Variants in SOCS2 observed in about 807,000 individuals in gnomAD.
The protein encoded by SOCS2 is suppressor of cytokine signaling 2.
In SOCS2, 10 loss-of-function variants were observed where a neutral mutation model predicts 18.6. That is an observed-to-expected ratio of 0.54 (90% CI 0.33 to 0.91). The LOEUF is 0.91. Ranked by LOEUF, SOCS2 falls within the 40% of genes least tolerant of loss-of-function variation. The pLI is 0.02. For missense variants in SOCS2, 231 were observed against 247.2 expected (o/e 0.93, Z 0.44); for synonymous variants, 104 against 104.0 (o/e 1.00, Z 0.00).
At chr12:93,625,127 T>C in the SOCS2 span, among the ~76,000 whole-genome samples, 2 of 152,262 alleles carry the variant, frequency 1.3e-5, no homozygotes, top group African/African-American at 4.8e-5. Context: ...TTATTTCCCA[T>C]GCTGAATCAT....
At chr12:93,614,434 C>T in the SOCS2 span, among the ~76,000 whole-genome samples, 118 of 33,302 alleles carry the variant, frequency 3.5e-3, 2 homozygotes, top group South Asian at 8.9e-3. Flanking sequence ...TCTTTCCCTT[C>T]CTTCCTTCCT....
chr12:93,618,515 C>T, the SOCS2 span, among the ~76,000 whole-genome samples: 1 of 152,166 alleles, frequency 6.6e-6, no homozygotes. Context: ...CTGCCCACCA[C>T]CCTTCCCCAG....
downstream of SOCS2, among the ~76,000 whole-genome samples, chr12:93,586,673 G>A (rs1054837145): frequency 3.3e-5 from 5 of 151,486 alleles, no homozygotes; most frequent in African/African-American, 1.2e-4. Flanking sequence ...TTTTTCCTTC[G>A]TTCAGTTTTT....
chr12:93,622,188 C>A, the SOCS2 span, among the ~76,000 whole-genome samples: 2 of 152,180 alleles, frequency 1.3e-5, no homozygotes, highest in Non-Finnish European at 2.9e-5. Flanking sequence ...CAGCAACCCA[C>A]AGGAGCTGAG....
At chr12:93,582,679 C>T (rs1307233035) in intron 1 of SOCS2, among the ~76,000 whole-genome samples, 2 of 152,188 alleles carry the variant, frequency 1.3e-5, no homozygotes, top group East Asian at 3.8e-4. Context: ...CAAGAGGTCG[C>T]GGTGCAGCGG....
exon 2 of SOCS2, chr12:93,583,454 C>G (rs1235765547): frequency 6.6e-6 from 1 of 152,140 alleles, no homozygotes; most frequent in East Asian, 1.9e-4. Context: ...TTCTTAGATT[C>G]TTTGGTAAAA....
chr12:93,589,228 A>G, the SOCS2 span, among the ~76,000 whole-genome samples: 10 of 152,160 alleles, frequency 6.6e-5, no homozygotes, highest in African/African-American at 1.7e-4. Flanking sequence ...ACCCCATCAT[A>G]TATTTTTCAC....
At chr12:93,584,329 G>A (rs576753312), downstream of SOCS2, among the ~76,000 whole-genome samples, 21 of 152,268 alleles carry the variant, frequency 1.4e-4, no homozygotes, top group South Asian at 4.1e-3. Flanking sequence ...TTTCAGTTTG[G>A]TAAAAATCTC....
the SOCS2 span, among the ~76,000 whole-genome samples, chr12:93,603,060 G>T: frequency 3.3e-5 from 5 of 152,264 alleles, no homozygotes; most frequent in Admixed American, 1.3e-4. Context: ...GTCCACTGCC[G>T]AACCTTGGTC....
At chr12:93,600,902 C>T in the SOCS2 span, among the ~76,000 whole-genome samples, 1 of 151,502 alleles carries the variant, frequency 6.6e-6, no homozygotes, top group Non-Finnish European at 1.5e-5. Context: ...GGTCCTTTTG[C>T]TTCAGCCTCC....
chr12:93,605,258 G>A, the SOCS2 span, among the ~76,000 whole-genome samples: 85 of 152,114 alleles, frequency 5.6e-4, 2 homozygotes, highest in South Asian at 0.014. Flanking sequence ...GCAAGTTGCC[G>A]AGTGTTACAC....
At chr12:93,588,621 T>C in the SOCS2 span, among the ~76,000 whole-genome samples, 1 of 151,708 alleles carries the variant, frequency 6.6e-6, no homozygotes, top group African/African-American at 2.4e-5. Flanking sequence ...GTGAATTTTT[T>C]TTTTTTTTTT....
chr12:93,600,805 T>C, the SOCS2 span, among the ~76,000 whole-genome samples: 1 of 151,466 alleles, frequency 6.6e-6, no homozygotes, highest in South Asian at 2.1e-4. Flanking sequence ...TTTTTTTTTT[T>C]AGAGATGAGG....
the SOCS2 span, among the ~76,000 whole-genome samples, chr12:93,596,750 C>T: frequency 2.6e-5 from 4 of 152,150 alleles, no homozygotes; most frequent in African/African-American, 9.7e-5. Context: ...ATTGCTTGAA[C>T]CTGGGAGCTG....
chr12:93,610,476 A>C, the SOCS2 span, among the ~76,000 whole-genome samples: 2 of 152,202 alleles, frequency 1.3e-5, no homozygotes, highest in Non-Finnish European at 2.9e-5. Context: ...GGGGTGTCTG[A>C]GACCACAGTT....
chr12:93,584,174 G>C (rs1438308106), downstream of SOCS2, among the ~76,000 whole-genome samples: 1 of 152,184 alleles, frequency 6.6e-6, no homozygotes, highest in East Asian at 1.9e-4. Context: ...TAACTGATTG[G>C]TTAACATCAG....
chr12:93,612,089 C>T, the SOCS2 span, among the ~76,000 whole-genome samples: 10 of 152,200 alleles, frequency 6.6e-5, no homozygotes, highest in East Asian at 3.9e-4. Flanking sequence ...GATGCTAGAA[C>T]GACCCTGTGA....
At chr12:93,600,642 T>G in the SOCS2 span, among the ~76,000 whole-genome samples, 1 of 152,076 alleles carries the variant, frequency 6.6e-6, no homozygotes, top group South Asian at 2.1e-4. Flanking sequence ...GATTTTTTTA[T>G]GTACCTCAAT....
At chr12:93,621,362 T>C in the SOCS2 span, among the ~76,000 whole-genome samples, 2 of 152,212 alleles carry the variant, frequency 1.3e-5, no homozygotes, top group Non-Finnish European at 2.9e-5. Flanking sequence ...CAGAAGCTTG[T>C]ACTGCAAGCA....
Sources: gnomAD v4.1 joint callset for allele counts (sites outside exome capture counted in the v4.1 genomes callset) on GRCh38, gnomAD v4.1.1 for gene constraint, MANE v1.5 for transcripts, NCBI Gene and HGNC (gene_info 2026-07-23, HGNC 2026-07-21) for gene names.